The following OSGIN1 variants were observed in gnomAD, a reference collection of about 807,000 sequenced individuals.
OSGIN1 encodes oxidative stress-induced growth inhibitor 1.
Under a neutral mutation model 20.1 loss-of-function variants are expected in OSGIN1, and 19 were observed. The observed-to-expected ratio is 0.95, with a 90% CI of 0.66 to 1.39. The LOEUF is 1.39. Among genes scored for constraint, OSGIN1 ranks in the 40% most tolerant of loss-of-function variants. OSGIN1 has a pLI of 0.00. For synonymous variants in OSGIN1, 368 were observed against 297.8 expected (o/e 1.24, Z -2.43); for missense variants, 820 against 653.0 (o/e 1.26, Z -2.79).
At chr16:83,956,002 G>T (rs1453872600) in intron 1 of OSGIN1, among the ~76,000 whole-genome samples, 1 of 152,200 alleles carries the variant, frequency 6.6e-6, no homozygotes, top group East Asian at 1.9e-4. Flanking sequence ...TTCCCCGCTA[G>T]GCACATCCTC....
rs141761788 is a variant in OSGIN1, at chr16:83,965,607, G to A, written c.1034G>A (p.Arg345Gln). ...TACCACAAGGTGCACCAGATGATGCGGGAGCAGTCCATCCTGTCGCCCAGC... is the reference window on the plus strand; with the variant it reads ...TACCACAAGGTGCACCAGATGATGCAGGAGCAGTCCATCCTGTCGCCCAGC... ...PEYHKVHQMMREQSILSPSPY... is the reference protein window; with the variant it reads ...PEYHKVHQMMQEQSILSPSPY... The change falls in exon 6 of 6, where the codon CGG becomes CAG. Residue 345 changes from arginine to glutamine, a missense_variant. Coordinates refer to ENST00000393306, the MANE Select transcript of OSGIN1 (RefSeq NM_182981.3). 881 of 1,613,096 alleles carry A rather than the reference G, an allele frequency of 5.5e-4. 1 individual carries two copies. Among genetic ancestry groups the A allele is most frequent in the Middle Eastern group, 8.2e-4 (5 of 6,062 alleles).
intron 5 of OSGIN1, among the ~76,000 whole-genome samples, chr16:83,964,088 G>C (rs903510810): frequency 6.6e-6 from 1 of 152,284 alleles, no homozygotes; most frequent in Non-Finnish European, 1.5e-5. Flanking sequence ...TGGATCACTT[G>C]AGGTCAAGAG....
intron 5 of OSGIN1, 105 bp downstream of exon 5, chr16:83,961,177 G>C (rs921943403): frequency 2.0e-5 from 18 of 886,966 alleles, no homozygotes; most frequent in Non-Finnish European, 3.1e-5. Flanking sequence ...TTTTTCCAAG[G>C]TTGAGGACGC....
At chr16:83,960,871 G>A in intron 4 of OSGIN1, 110 bp from the exon 5 acceptor site, 1 of 1,482,794 alleles carries the variant, frequency 6.7e-7, no homozygotes, top group South Asian at 1.2e-5. Context: ...CCGCAACCCT[G>A]CCTCTCCCTC....
At chr16:83,964,271 T>A (rs1165543452) in intron 5 of OSGIN1, among the ~76,000 whole-genome samples, 2 of 151,860 alleles carry the variant, frequency 1.3e-5, no homozygotes, top group Admixed American at 1.3e-4. Context: ...ACCACGGCAC[T>A]CCAGCCTGGG....
At chr16:83,959,423 G>A in intron 3 of OSGIN1, 27 bp downstream of exon 3, 2 of 1,605,398 alleles carry the variant, frequency 1.2e-6, no homozygotes, top group Non-Finnish European at 8.5e-7. Flanking sequence ...CCAGAGCTCT[G>A]GGTAGTACAT....
intron 5 of OSGIN1, among the ~76,000 whole-genome samples, chr16:83,962,926 G>C (rs550117624): frequency 6.6e-6 from 1 of 152,260 alleles, no homozygotes; most frequent in South Asian, 2.1e-4. Context: ...TGATTTGGGG[G>C]CCCCAAGATT....
chr16:83,963,410 T>C (rs556227342), intron 5 of OSGIN1, among the ~76,000 whole-genome samples: 2 of 150,160 alleles, frequency 1.3e-5, no homozygotes, highest in East Asian at 1.9e-4. Context: ...GAATGCTTAT[T>C]ATGTGCCAGG....
Position 83,965,658 on chromosome 16 carries a change from C to G in OSGIN1, c.1085C>G (p.Pro362Arg), listed in dbSNP as rs1567658973. 6.2e-7 allele frequency: 1 copy of G among 1,613,450 alleles called. No homozygotes were observed. Among genetic ancestry groups the G allele is most frequent in the Non-Finnish European group, 8.5e-7 (1 of 1,180,008 alleles). Residue 362 changes from proline (P) to arginine (R), a missense_variant, in exon 6 of 6, where the codon CCC (proline) becomes CGC (arginine). Pro to Arg is a moderately radical substitution (Grantham distance 103). Coordinates refer to ENST00000393306, the MANE Select transcript of OSGIN1 (RefSeq NM_182981.3). The stretch of plus-strand genomic sequence containing the variant: ...CCCTATGAGGGTTACCGCAGCCTCC[C>G]CAGGCACCAGCTGCTGTGCTTCAAG... ...PSPYEGYRSL[P>R]RHQLLCFKED... is the part of the protein sequence containing the mutation.
chr16:83,965,397 C>T lies in OSGIN1; in HGVS notation c.824C>T (p.Ala275Val). The T allele has an allele frequency of 6.3e-7, 1 of 1,575,834 alleles. No homozygotes were observed. The highest frequency in any genetic ancestry group is 1.2e-5 in the South Asian group (1 of 85,932). Reference sequence around the variant, plus strand: ...CATGAGCTGTCTGCCCTGGAGGCCGCCACAAGGGTGGGTGCGGTGACCCCG... The same window carrying T: ...CATGAGCTGTCTGCCCTGGAGGCCGTCACAAGGGTGGGTGCGGTGACCCCG... ...IHHELSALEA[A>V]TRVGAVTPAS... The change falls in exon 6 of 6, where the codon GCC (alanine) becomes GTC (valine). Residue 275 changes from alanine (A) to valine (V), a missense_variant. Coordinates refer to ENST00000393306, the MANE Select transcript of OSGIN1 (RefSeq NM_182981.3).
At chr16:83,961,740 G>A (rs1470499593) in intron 5 of OSGIN1, among the ~76,000 whole-genome samples, 1 of 152,076 alleles carries the variant, frequency 6.6e-6, no homozygotes, top group Non-Finnish European at 1.5e-5. Flanking sequence ...TCCCGTGCAA[G>A]CAGCAGACCG....
chr16:83,960,692 A>G lies in OSGIN1; in HGVS notation c.328A>G (p.Lys110Glu). The G allele has an allele frequency of 6.2e-7, 1 of 1,613,576 alleles. No homozygotes were observed. The highest frequency in any genetic ancestry group is 8.5e-7 in the Non-Finnish European group (1 of 1,180,016). ...GGNMKSVLTW[K>E]HRKEHAIPHV... ...AAACATGAAGTCGGTCCTCACCTGG[A>G]AGCACCGGAAGGAGCACGCCATCCC... Residue 110 changes from lysine to glutamate, a missense_variant, in exon 4 of 6, where the codon AAG becomes GAG. Lys to Glu is a moderately conservative substitution (Grantham distance 56). Transcript: ENST00000393306.
chr16:83,965,089 C>G lies in OSGIN1; in HGVS notation c.516C>G (p.Ala172=). 13 of 1,605,890 alleles carry G rather than the reference C, an allele frequency of 8.1e-6. No individual in the cohort carries two copies. Among genetic ancestry groups the G allele is most frequent in the Non-Finnish European group, 9.4e-6 (11 of 1,174,394 alleles). ...RRGLRNSRAT[A]GDIAHYYRDY... is the part of the protein sequence containing the mutation. Reference sequence around the variant, plus strand: ...GTCTTCGCAACAGCCGGGCCACTGCCGGGGACATCGCCCACTACTACAGGG... The same window carrying G: ...GTCTTCGCAACAGCCGGGCCACTGCGGGGGACATCGCCCACTACTACAGGG... The change falls in exon 6 of 6, where the codon GCC becomes GCG. Residue 172 remains alanine, a synonymous_variant. Transcript: ENST00000393306.
At position 83,960,972 on chromosome 16, in the gene OSGIN1, T is replaced by C. The variant is rs201064099; in HGVS notation, c.397-9T>C. The C allele has an allele frequency of 1.2e-6, 2 of 1,612,482 alleles. No individual in the cohort carries two copies. Among genetic ancestry groups the C allele is most frequent in the Non-Finnish European group, 1.7e-6 (2 of 1,179,162 alleles). On this transcript the variant is annotated splice_polypyrimidine_tract_variant and intron_variant, in intron 4 of 5. Coordinates refer to ENST00000393306, the MANE Select transcript of OSGIN1 (RefSeq NM_182981.3). ...AGAGGCCTGGACCAAAGGGTTCCTTTCCCTGCAGTCCATCGAAGGCTCCAT... is the reference window on the plus strand; with the variant it reads ...AGAGGCCTGGACCAAAGGGTTCCTTCCCCTGCAGTCCATCGAAGGCTCCAT...
chr16:83,960,645 G>A lies in OSGIN1; in HGVS notation c.281G>A (p.Arg94His), dbSNP rs145668522. 2.5e-6 allele frequency: 4 copies of A among 1,613,512 alleles called. No homozygotes were observed. Among genetic ancestry groups the A allele is most frequent in the South Asian group, 1.1e-5 (1 of 91,086 alleles). Residue 94 changes from arginine (R) to histidine (H), a missense_variant, in exon 4 of 6, where the codon CGC becomes CAC. By Grantham distance (29) the Arg-to-His change is conservative. Transcript: ENST00000393306. ...PVALLFDALL[R>H]PDTDFGGNMK... ...GCCCTGCTCTTTGATGCCCTTCTAC[G>A]CCCAGACACAGACTTTGGGGGAAAC... is the stretch of plus-strand genomic sequence containing the variant.
chr16:83,956,784 C>T (rs1908950405), intron 1 of OSGIN1, among the ~76,000 whole-genome samples: 2 of 152,236 alleles, frequency 1.3e-5, no homozygotes, highest in South Asian at 4.1e-4. Flanking sequence ...TTGTGGTCCT[C>T]AGGATGGCAG....
intron 5 of OSGIN1, among the ~76,000 whole-genome samples, chr16:83,961,833 C>T (rs746803900): frequency 1.3e-5 from 2 of 152,210 alleles, no homozygotes; most frequent in African/African-American, 2.4e-5. Context: ...CTGAGCCCCA[C>T]GCCCTGCCCC....
chr16:83,965,059 C>G lies in OSGIN1; in HGVS notation c.489-3C>G. On this transcript the variant is annotated splice_region_variant and splice_polypyrimidine_tract_variant and intron_variant, in intron 5 of 5. Transcript: ENST00000393306. ...CTCTGGCGTCCTGCATCCTCCCCAA[C>G]AGAGGTCTTCGCAACAGCCGGGCCA... 6.6e-7 allele frequency: 1 copy of G among 1,518,686 alleles called. No individual in the cohort carries two copies. The highest frequency in any genetic ancestry group is 8.9e-7 in the Non-Finnish European group (1 of 1,118,428). The allele number at this position is 1,518,686 out of a possible 1,614,324, so 94.1% of individuals were successfully genotyped here. A position where few individuals can be genotyped will look rare whatever the true frequency, so the allele number is the denominator to read the frequency against.
At chr16:83,964,131 C>T (rs2084248195) in intron 5 of OSGIN1, among the ~76,000 whole-genome samples, 1 of 152,042 alleles carries the variant, frequency 6.6e-6, no homozygotes, top group African/African-American at 2.4e-5. Flanking sequence ...TGGCAAAACC[C>T]CATCTCTAAT....
Sources: gnomAD v4.1 joint callset for allele counts (sites outside exome capture counted in the v4.1 genomes callset) on GRCh38, gnomAD v4.1.1 for gene constraint, MANE v1.5 for transcripts, NCBI Gene and HGNC (gene_info 2026-07-23, HGNC 2026-07-21) for gene names.